The following CRTC1 variants were observed in gnomAD, a reference collection of about 807,000 sequenced individuals.
The protein encoded by CRTC1 is CREB regulated transcription coactivator 1.
Under a neutral mutation model 66.1 loss-of-function variants are expected in CRTC1, and 18 were observed. The observed-to-expected ratio is 0.27, with a 90% CI of 0.19 to 0.40. The LOEUF is 0.40. CRTC1 is among the 10% of genes least tolerant of loss of function. The pLI, the probability that CRTC1 is intolerant of heterozygous loss-of-function variation, is 1.00. For synonymous variants in CRTC1, 416 were observed against 398.8 expected (o/e 1.04, Z -0.51); for missense variants, 669 against 887.9 (o/e 0.75, Z 3.13).
At chr19:18,705,434 C>T (rs899983691) in intron 1 of CRTC1, among the ~76,000 whole-genome samples, 1 of 152,166 alleles carries the variant, frequency 6.6e-6, no homozygotes, top group Non-Finnish European at 1.5e-5. Flanking sequence ...GGTTCTGCCT[C>T]AGCCTCCCGA....
intron 1 of CRTC1, among the ~76,000 whole-genome samples, chr19:18,721,178 A>T (rs936989022): frequency 1.7e-4 from 25 of 143,536 alleles, no homozygotes; most frequent in Non-Finnish European, 9.0e-5. Context: ...GGCATACCCT[A>T]CTCCAGTTCA....
At chr19:18,705,126 A>G (rs1055780794) in intron 1 of CRTC1, among the ~76,000 whole-genome samples, 2 of 151,986 alleles carry the variant, frequency 1.3e-5, no homozygotes, top group Non-Finnish European at 2.9e-5. Flanking sequence ...CTTCCCCTCT[A>G]AGGCTGTTAT....
chr19:18,734,620 G>C (rs2053959291), intron 1 of CRTC1, among the ~76,000 whole-genome samples: 1 of 152,162 alleles, frequency 6.6e-6, no homozygotes, highest in Non-Finnish European at 1.5e-5. Flanking sequence ...GGAGGCTGCA[G>C]TGAGCCCTGA....
chr19:18,689,297 A>G (rs1600740083), intron 1 of CRTC1, among the ~76,000 whole-genome samples: 1 of 151,514 alleles, frequency 6.6e-6, no homozygotes, highest in East Asian at 2.0e-4. Flanking sequence ...GACATTTCAT[A>G]TCAATAGAAT....
At chr19:18,776,506 C>A (rs186136146) in intron 13 of CRTC1, among the ~76,000 whole-genome samples, 1 of 152,312 alleles carries the variant, frequency 6.6e-6, no homozygotes, top group Admixed American at 6.5e-5. Context: ...AGTGCTCCCC[C>A]ACTGTGGCCT....
At chr19:18,693,591 C>T (rs1295457312) in intron 1 of CRTC1, among the ~76,000 whole-genome samples, 3 of 150,988 alleles carry the variant, frequency 2.0e-5, no homozygotes, top group Non-Finnish European at 2.9e-5. Context: ...ACGCCCTTCT[C>T]CTGCCTCAGC....
In CRTC1 at chr19:18,741,867, C is replaced by T. The variant is rs1452063511; in HGVS notation, c.127-1043C>T. Among the ~76,000 whole-genome samples, 1 of 152,112 alleles carries T rather than the reference C, an allele frequency of 6.6e-6. No individual in the cohort carries two copies. The highest frequency in any genetic ancestry group is 1.5e-5 in the Non-Finnish European group (1 of 67,958). On this transcript the variant is annotated intron_variant, in intron 1 of 13. Transcript: ENST00000321949. This position sits in a 1 kb window ranked among gnomAD's most constrained non-coding sequence, Gnocchi z 4.2. The stretch of plus-strand genomic sequence containing the variant: ...CGGGCTTTACTTCCGCCTCCGGTGT[C>T]CAGGGCCCCCTAGGAAGCTGGGGCG...
chr19:18,744,107 G>A (rs1401687549), intron 2 of CRTC1: 2 of 1,613,250 alleles, frequency 1.2e-6, no homozygotes, highest in South Asian at 2.2e-5. Flanking sequence ...TGCATTTTCA[G>A]CCCAGCGGAT....
chr19:18,779,062 C>G lies in CRTC1; in HGVS notation c.*1680C>G. The stretch of plus-strand genomic sequence containing the variant: ...CCTGCAAGGGAGGCATCAGGGCTGG[C>G]TTTGTTTTCTGCTGTTCTTGGAATA... On this transcript the variant is annotated 3_prime_UTR_variant, in exon 14 of 14. Coordinates refer to ENST00000321949, the MANE Select transcript of CRTC1 (RefSeq NM_015321.3). 4.3e-6 allele frequency: 1 copy of G among 232,638 alleles called. No individual in the cohort carries two copies. The highest frequency in any genetic ancestry group is 8.5e-6 in the Non-Finnish European group (1 of 117,664). The allele number at this position is 232,638 out of a possible 1,614,324, so 14.4% of individuals were successfully genotyped here.
At chr19:18,729,434 AAAAAG>A (rs1167520967) in intron 1 of CRTC1, among the ~76,000 whole-genome samples, 1 of 150,930 alleles carries the variant, frequency 6.6e-6, no homozygotes, top group Non-Finnish European at 1.5e-5. Flanking sequence ...TCAAAAAAAA[AAAAAG>A]AAAAAAAAAA....
In CRTC1 at chr19:18,771,151, G is replaced by A. The variant is rs1273526701; in HGVS notation, c.1321-291G>A. 1.3e-5 allele frequency among the ~76,000 whole-genome samples: 2 copies of A among 152,138 alleles called. No individual in the cohort carries two copies. The highest frequency in any genetic ancestry group is 1.9e-4 in the East Asian group (1 of 5,198). On this transcript the variant is annotated intron_variant, in intron 10 of 13. Transcript: ENST00000321949. The surrounding 1 kb of genome is among the most constrained non-coding windows in gnomAD (Gnocchi z 4.6). ...TGCTATATGGCTCTGAGCCTGCTGA[G>A]TCAGGGCCAACCCTCTGATCACCCT...
intron 11 of CRTC1, among the ~76,000 whole-genome samples, chr19:18,772,482 G>A (rs1363290336): frequency 6.6e-6 from 1 of 152,124 alleles, no homozygotes; most frequent in East Asian, 1.9e-4. Context: ...CTGTGCCCGG[G>A]GCCCTGAAGC....
chr19:18,693,485 GTT>G (rs907083923), intron 1 of CRTC1, among the ~76,000 whole-genome samples: 3 of 128,614 alleles, frequency 2.3e-5, no homozygotes, highest in African/African-American at 9.3e-5. Flanking sequence ...TTTTGTTTTT[GTT>G]TTTTTTTTTT....
intron 7 of CRTC1, 126 bp downstream of exon 7, chr19:18,759,717 C>T: frequency 1.8e-6 from 2 of 1,085,402 alleles, no homozygotes; most frequent in Non-Finnish European, 1.3e-6. Flanking sequence ...GACCAGAGGC[C>T]AGTGACAGAG....
intron 1 of CRTC1, among the ~76,000 whole-genome samples, chr19:18,724,281 C>A (rs1027386718): frequency 6.6e-6 from 1 of 152,014 alleles, no homozygotes; most frequent in Admixed American, 6.6e-5. Context: ...CGCTAGGAGT[C>A]AATTTCATTT....
At chr19:18,712,401 G>A (rs2053412466) in intron 1 of CRTC1, among the ~76,000 whole-genome samples, 1 of 151,942 alleles carries the variant, frequency 6.6e-6, no homozygotes, top group East Asian at 1.9e-4. Context: ...GAGATTACAG[G>A]CGCCCACCAC....
chr19:18,774,956 G>A lies in CRTC1; in HGVS notation c.1482G>A (p.Ala494=), dbSNP rs766286552. 1.1e-5 allele frequency: 17 copies of A among 1,607,880 alleles called. No homozygotes were observed. The highest frequency in any genetic ancestry group is 1.4e-5 in the Non-Finnish European group (16 of 1,179,974). ...ACGCGTACTATGAGCAGCAGATGGC[G>A]GCCAGGCAGGCCAATGCTCTGTCCC... is the stretch of plus-strand genomic sequence containing the variant. The part of the protein sequence containing the change: ...FGDAYYEQQM[A]ARQANALSHQ... Residue 494 remains alanine, a synonymous_variant, in exon 12 of 14, where the codon GCG becomes GCA. Coordinates refer to ENST00000321949, the MANE Select transcript of CRTC1 (RefSeq NM_015321.3).
In CRTC1 at chr19:18,781,698, G is replaced by C. The variant is rs1417086688; in HGVS notation, c.*4316G>C. On this transcript the variant is annotated 3_prime_UTR_variant, in exon 14 of 14. Coordinates refer to ENST00000321949, the MANE Select transcript of CRTC1 (RefSeq NM_015321.3). ...CTCTTGTCACTTTCTCAAACCTGCA[G>C]GTCTCAGGGCCCCGGGCTCCTCCTG... 1 of 230,718 alleles carries C rather than the reference G, an allele frequency of 4.3e-6. No individual in the cohort carries two copies. Among genetic ancestry groups the C allele is most frequent in the Non-Finnish European group, 8.6e-6 (1 of 116,586 alleles). The allele number at this position is 230,718 out of a possible 1,614,324, so 14.3% of individuals were successfully genotyped here.
rs1555773912 is a variant in CRTC1, at chr19:18,689,583, A to ATG, written c.126+5756_126+5757insGT. Among the ~76,000 whole-genome samples, 16 of 65,732 alleles carry ATG rather than the reference A, an allele frequency of 2.4e-4. 1 individual carries two copies. The highest frequency in any genetic ancestry group is 1.3e-3 in the South Asian group (2 of 1,576). The allele number at this position is 65,732 out of a possible 152,430, so 43.1% of individuals were successfully genotyped here. ...GATGGCCATATATATATATATATATATATGTAATATAACACTTACCATTTT... is the reference window on the plus strand; with the variant it reads ...GATGGCCATATATATATATATATATATGTATGTAATATAACACTTACCATTTT... On this transcript the variant is annotated intron_variant, in intron 1 of 13. Coordinates refer to ENST00000321949, the MANE Select transcript of CRTC1 (RefSeq NM_015321.3).
Sources: gnomAD v4.1 joint callset for allele counts (sites outside exome capture counted in the v4.1 genomes callset) on GRCh38, gnomAD v4.1.1 for gene constraint, Gnocchi (gnomAD v3.1) non-coding constraint, MANE v1.5 for transcripts, NCBI Gene and HGNC (gene_info 2026-07-23, HGNC 2026-07-21) for gene names.